ZNF652: variants seen among roughly 807,000 people sequenced by gnomAD.
ZNF652 encodes the protein zinc finger protein 652.
In ZNF652, 16 loss-of-function variants were observed where a neutral mutation model predicts 45.2. The ratio of observed to expected loss-of-function variants is 0.35; its 90% CI spans 0.24 to 0.54. The LOEUF (loss-of-function observed/expected upper bound fraction) is 0.54. Among genes scored for constraint, ZNF652 ranks in the 20% least tolerant of loss-of-function variants. The pLI, the probability that ZNF652 is intolerant of heterozygous loss-of-function variation, is 0.91. For synonymous variants in ZNF652, 250 were observed against 260.6 expected (o/e 0.96, Z 0.39); for missense variants, 614 against 765.6 (o/e 0.80, Z 2.34).
chr17:49,305,874 T>A (rs2069621995), intron 5 of ZNF652, among the ~76,000 whole-genome samples: 1 of 152,200 alleles, frequency 6.6e-6, no homozygotes, highest in Admixed American at 6.5e-5. Flanking sequence ...TCTCTTTAAC[T>A]GCAAAGAAAC....
intron 5 of ZNF652, among the ~76,000 whole-genome samples, chr17:49,301,413 T>C (rs1234046348): frequency 6.6e-6 from 1 of 152,150 alleles, no homozygotes; most frequent in Non-Finnish European, 1.5e-5. Context: ...TCCTCCCGCC[T>C]CAGCCTTCAG....
intron 1 of ZNF652, among the ~76,000 whole-genome samples, chr17:49,357,877 G>A (rs61085429): frequency 0.014 from 2,146 of 152,284 alleles, 45 homozygotes; most frequent in African/African-American, 0.049. Flanking sequence ...GTTCCAATAA[G>A]CACATTGCAC....
intron 1 of ZNF652, among the ~76,000 whole-genome samples, chr17:49,356,814 C>T (rs1292703149): frequency 6.6e-6 from 1 of 152,136 alleles, no homozygotes; most frequent in Non-Finnish European, 1.5e-5. Context: ...TGAAAAGTCT[C>T]TAGGTAACTC....
intron 1 of ZNF652, among the ~76,000 whole-genome samples, chr17:49,351,026 C>CGT (rs1567700354): frequency 1.0e-4 from 9 of 89,070 alleles, no homozygotes; most frequent in Admixed American, 3.5e-4. Flanking sequence ...CACACACACA[C>CGT]ACACACACAC....
At chr17:49,328,227 G>A (rs1297021898) in intron 1 of ZNF652, among the ~76,000 whole-genome samples, 1 of 151,920 alleles carries the variant, frequency 6.6e-6, no homozygotes, top group African/African-American at 2.4e-5. Flanking sequence ...AACAGGCCAC[G>A]GGAAGTTTCA....
chr17:49,329,135 T>C (rs2069996889), intron 1 of ZNF652, among the ~76,000 whole-genome samples: 1 of 152,238 alleles, frequency 6.6e-6, no homozygotes, highest in South Asian at 2.1e-4. Context: ...TTCATATGGA[T>C]ACATTTCAGT....
At chr17:49,360,006 T>G (rs992203567) in intron 1 of ZNF652, among the ~76,000 whole-genome samples, 1 of 152,220 alleles carries the variant, frequency 6.6e-6, no homozygotes, top group African/African-American at 2.4e-5. Flanking sequence ...CTGTTGAAAT[T>G]TGCTACATTT....
At chr17:49,324,579 G>C (rs1350544144) in intron 1 of ZNF652, among the ~76,000 whole-genome samples, 1 of 151,566 alleles carries the variant, frequency 6.6e-6, no homozygotes, top group Non-Finnish European at 1.5e-5. Flanking sequence ...TAGTACAGAT[G>C]ATGTTTCACT....
At chr17:49,320,891 C>T (rs1484591488) in intron 1 of ZNF652, among the ~76,000 whole-genome samples, 2 of 152,198 alleles carry the variant, frequency 1.3e-5, no homozygotes, top group Non-Finnish European at 2.9e-5. Flanking sequence ...CTCGCTGTCA[C>T]CCACACTGGA....
In ZNF652 at chr17:49,317,843, G is replaced by C; in HGVS notation, c.-118C>G. On this transcript the variant is annotated 5_prime_UTR_variant, in exon 2 of 6. In the 5' UTR this introduces an upstream ATG that the reference lacks. Coordinates refer to ENST00000430262, the MANE Select transcript of ZNF652 (RefSeq NM_001145365.3). ...CAAAGAATCACTCAAATGAAAAAAAGATATTCCTGGAAACTGTGTGCAATT... is the reference window on the plus strand; with the variant it reads ...CAAAGAATCACTCAAATGAAAAAAACATATTCCTGGAAACTGTGTGCAATT... 2 of 1,126,694 alleles carry C rather than the reference G, an allele frequency of 1.8e-6. No individual in the cohort carries two copies. Among genetic ancestry groups the C allele is most frequent in the Non-Finnish European group, 2.4e-6 (2 of 827,032 alleles). The allele number at this position is 1,126,694 out of a possible 1,614,324, so 69.8% of individuals were successfully genotyped here.
intron 1 of ZNF652, among the ~76,000 whole-genome samples, chr17:49,338,619 T>C (rs2070110566): frequency 6.6e-6 from 1 of 152,226 alleles, no homozygotes; most frequent in South Asian, 2.1e-4. Context: ...ACAGTCATGT[T>C]TGAGATGCAA....
intron 1 of ZNF652, among the ~76,000 whole-genome samples, chr17:49,324,591 T>G (rs184587734): frequency 6.6e-6 from 1 of 152,024 alleles, no homozygotes; most frequent in Non-Finnish European, 1.5e-5. Flanking sequence ...TGTTTCACTA[T>G]GTTGGCCAGG....
intron 2 of ZNF652, among the ~76,000 whole-genome samples, chr17:49,313,961 G>T (rs1442301853): frequency 7.4e-5 from 4 of 54,310 alleles, no homozygotes; most frequent in Non-Finnish European, 1.4e-4. Flanking sequence ...AACAAAGAGC[G>T]AAACTCCATC....
intron 1 of ZNF652, among the ~76,000 whole-genome samples, chr17:49,336,621 G>A (rs1343699430): frequency 4.6e-5 from 7 of 150,606 alleles, no homozygotes; most frequent in Admixed American, 3.3e-4. Context: ...CACGGTGCCC[G>A]GCCTTTTACT....
At chr17:49,322,406 G>A (rs2069904905) in intron 1 of ZNF652, 1 of 152,138 alleles carries the variant, frequency 6.6e-6, no homozygotes, top group African/African-American at 2.4e-5. Flanking sequence ...GCAAGCAATG[G>A]TTCATTCAGT....
At chr17:49,355,825 G>A (rs2070330262) in intron 1 of ZNF652, among the ~76,000 whole-genome samples, 1 of 152,044 alleles carries the variant, frequency 6.6e-6, no homozygotes, top group South Asian at 2.1e-4. Context: ...CTGAACCCGG[G>A]AGGCGGAGGT....
Position 49,298,312 on chromosome 17 carries a change from CGGA to C in ZNF652, c.*98_*100del. On this transcript the variant is annotated 3_prime_UTR_variant, in exon 6 of 6. Coordinates refer to ENST00000430262, the MANE Select transcript of ZNF652 (RefSeq NM_001145365.3). ...ACACTGGCGAAGCTCTTGGTAGAGGCGGAGGAGAGTCTGAGAACTAAGGAAATG... is the reference window on the plus strand; with the variant it reads ...ACACTGGCGAAGCTCTTGGTAGAGGCGGAGAGTCTGAGAACTAAGGAAATG... The C allele has an allele frequency of 1.4e-6, 2 of 1,445,020 alleles. No homozygotes were observed. Among genetic ancestry groups the C allele is most frequent in the Non-Finnish European group, 1.9e-6 (2 of 1,065,318 alleles). The allele number at this position is 1,445,020 out of a possible 1,614,324, so 89.5% of individuals were successfully genotyped here. A position where few individuals can be genotyped will look rare whatever the true frequency, so the allele number is the denominator to read the frequency against.
chr17:49,338,690 A>C (rs1171809993), intron 1 of ZNF652, among the ~76,000 whole-genome samples: 1 of 152,232 alleles, frequency 6.6e-6, no homozygotes, highest in East Asian at 1.9e-4. Context: ...GATCAAAGGA[A>C]AAGTCAACAC....
chr17:49,354,744 T>C (rs1489346018), intron 1 of ZNF652, among the ~76,000 whole-genome samples: 1 of 152,148 alleles, frequency 6.6e-6, no homozygotes, highest in Non-Finnish European at 1.5e-5. Flanking sequence ...TTCTTTTTTT[T>C]GAGATGGAGT....
Sources: allele counts gnomAD v4.1 joint callset (sites outside exome capture counted in the v4.1 genomes callset), GRCh38; gene constraint gnomAD v4.1.1; transcripts MANE v1.5; gene names NCBI Gene and HGNC (gene_info 2026-07-23, HGNC 2026-07-21).